The following BMAL2 variants were observed in gnomAD, a reference collection of about 807,000 sequenced individuals.
BMAL2 encodes basic helix-loop-helix ARNT like 2.
At chr12:27,387,409 C>A in the BMAL2 span, 1 of 844,428 alleles carries the variant, frequency 1.2e-6, no homozygotes, top group Non-Finnish European at 2.0e-6. Context: ...CACCTTCTCC[C>A]CACTGGGATA....
chr12:27,382,138 C>T, the BMAL2 span, among the ~76,000 whole-genome samples: 1 of 152,168 alleles, frequency 6.6e-6, no homozygotes. Context: ...TTACCCACAG[C>T]TGAGGCTTGC....
chr12:27,368,520 G>T, the BMAL2 span: 4 of 1,336,660 alleles, frequency 3.0e-6, no homozygotes, highest in Non-Finnish European at 4.1e-6. Context: ...GTAACATTTG[G>T]AGATGGGAGA....
At chr12:27,390,709 T>TA in the BMAL2 span, among the ~76,000 whole-genome samples, 1 of 152,248 alleles carries the variant, frequency 6.6e-6, no homozygotes, top group Admixed American at 6.5e-5. Flanking sequence ...TTTGTTTTCT[T>TA]ATGATCCTTT....
At chr12:27,341,634 G>A in the BMAL2 span, among the ~76,000 whole-genome samples, 2 of 152,212 alleles carry the variant, frequency 1.3e-5, no homozygotes, top group Non-Finnish European at 2.9e-5. Context: ...ACATTTATTC[G>A]GCATAATGAC....
the BMAL2 span, chr12:27,415,987 G>T: frequency 1.5e-6 from 2 of 1,367,274 alleles, no homozygotes; most frequent in South Asian, 2.7e-5. Context: ...TGAAATAAAT[G>T]AACAATAAAA....
At chr12:27,390,062 T>C in the BMAL2 span, 1 of 1,602,398 alleles carries the variant, frequency 6.2e-7, no homozygotes, top group Non-Finnish European at 8.5e-7. Context: ...AATATTCTTT[T>C]CCACCTATTC....
At chr12:27,393,559 A>G in the BMAL2 span, among the ~76,000 whole-genome samples, 1 of 152,194 alleles carries the variant, frequency 6.6e-6, no homozygotes, top group Non-Finnish European at 1.5e-5. Context: ...CAAGCCTAGG[A>G]CTAAAGATTC....
the BMAL2 span, chr12:27,376,354 A>G: frequency 6.2e-7 from 1 of 1,613,852 alleles, no homozygotes; most frequent in East Asian, 2.2e-5. Flanking sequence ...AGAGTGGAAG[A>G]TGGTGAACAC....
chr12:27,405,391 G>A, the BMAL2 span, among the ~76,000 whole-genome samples: 1 of 152,184 alleles, frequency 6.6e-6, no homozygotes, highest in Non-Finnish European at 1.5e-5. Flanking sequence ...GTACTCCTCT[G>A]AGACAAAACT....
chr12:27,402,246 G>A, the BMAL2 span, among the ~76,000 whole-genome samples: 3 of 151,820 alleles, frequency 2.0e-5, no homozygotes, highest in Admixed American at 6.6e-5. Context: ...TGAAATTGCT[G>A]TAAGGTTTCC....
the BMAL2 span, chr12:27,400,917 G>A: frequency 1.2e-6 from 1 of 816,886 alleles, no homozygotes; most frequent in Non-Finnish European, 1.8e-6. Context: ...ATAAGAATAT[G>A]GACATGTCAG....
At chr12:27,422,625 C>T in the BMAL2 span, 2 of 152,302 alleles carry the variant, frequency 1.3e-5, no homozygotes, top group African/African-American at 4.8e-5. Flanking sequence ...TAGAATGAGC[C>T]AAAGAAATCC....
At chr12:27,370,645 G>A in the BMAL2 span, among the ~76,000 whole-genome samples, 8 of 151,878 alleles carry the variant, frequency 5.3e-5, 1 homozygote, top group African/African-American at 1.4e-4. Context: ...TCACTCTGTC[G>A]CCAGGCTGGA....
chr12:27,374,475 T>A, the BMAL2 span, among the ~76,000 whole-genome samples: 1 of 152,220 alleles, frequency 6.6e-6, no homozygotes, highest in Non-Finnish European at 1.5e-5. Flanking sequence ...CCACAGGTTT[T>A]GGTATCTGCA....
At chr12:27,371,018 G>A in the BMAL2 span, among the ~76,000 whole-genome samples, 1 of 152,256 alleles carries the variant, frequency 6.6e-6, no homozygotes, top group Non-Finnish European at 1.5e-5. Flanking sequence ...GAGACACAAA[G>A]GTACGAGAAA....
At chr12:27,387,346 A>G in the BMAL2 span, 46 of 1,461,788 alleles carry the variant, frequency 3.1e-5, no homozygotes, top group African/African-American at 4.8e-4. Flanking sequence ...GATATTTTCC[A>G]TACAATGTTT....
chr12:27,365,890 T>G, the BMAL2 span, among the ~76,000 whole-genome samples: 3 of 151,828 alleles, frequency 2.0e-5, no homozygotes, highest in Admixed American at 2.0e-4. Flanking sequence ...GTTCTTTGGA[T>G]TTATTTTACT....
At chr12:27,376,417 G>C in the BMAL2 span, 2 of 1,609,034 alleles carry the variant, frequency 1.2e-6, no homozygotes, top group Non-Finnish European at 1.7e-6. Context: ...ATGGTACATG[G>C]TGAGTGGAAA....
chr12:27,394,335 C>T, the BMAL2 span: 1 of 152,166 alleles, frequency 6.6e-6, no homozygotes, highest in South Asian at 2.1e-4. Context: ...GGCTTGAGTC[C>T]CAGGTACCCA....
Sources: allele counts gnomAD v4.1 joint callset (sites outside exome capture counted in the v4.1 genomes callset), GRCh38; gene constraint gnomAD v4.1.1; transcripts MANE v1.5; gene names NCBI Gene and HGNC (gene_info 2026-07-23, HGNC 2026-07-21).